Variants in AGBL4 observed in about 807,000 individuals in gnomAD.
The protein encoded by AGBL4 is AGBL carboxypeptidase 4.
In AGBL4, 58 loss-of-function variants were observed where a neutral mutation model predicts 66.4. The ratio of observed to expected loss-of-function variants is 0.87; its 90% CI spans 0.71 to 1.09. The LOEUF is 1.09. AGBL4 is among the 50% of genes least tolerant of loss of function. The probability of loss-of-function intolerance (pLI) is 0.00; values close to 1 mark genes in which losing one functional copy is unlikely to be tolerated. For missense variants in AGBL4, 579 were observed against 631.0 expected, an observed-to-expected ratio of 0.92 and a Z score of 0.88; for synonymous variants, 234 against 222.9, an observed-to-expected ratio of 1.05 and a Z score of -0.44.
At chr1:48,870,080 T>G (rs957868076) in intron 5 of AGBL4, among the ~76,000 whole-genome samples, 3 of 151,990 alleles carry the variant, frequency 2.0e-5, no homozygotes, top group African/African-American at 7.2e-5. Flanking sequence ...TTCCTGAAGA[T>G]TTCAACCATG....
chr1:49,883,224 G>T (rs551821741), intron 1 of AGBL4, among the ~76,000 whole-genome samples: 203 of 152,130 alleles, frequency 1.3e-3, no homozygotes, highest in Non-Finnish European at 2.5e-3. Context: ...TATGTTTATA[G>T]CGATTCCACA....
intron 2 of AGBL4, among the ~76,000 whole-genome samples, chr1:49,755,582 A>ATAGC (rs1408471722): frequency 6.6e-6 from 1 of 152,182 alleles, no homozygotes; most frequent in Non-Finnish European, 1.5e-5. Flanking sequence ...TTCCCCAAAC[A>ATAGC]TAGCTATTCT....
chr1:49,275,302 GCCCATGCAC>G (rs1216619292), intron 3 of AGBL4, among the ~76,000 whole-genome samples: 4 of 152,058 alleles, frequency 2.6e-5, no homozygotes, highest in African/African-American at 9.7e-5. Flanking sequence ...TTTCTGACAG[GCCCATGCAC>G]CCCAAGATTT....
chr1:49,129,962 C>G (rs534108744), intron 4 of AGBL4, among the ~76,000 whole-genome samples: 1 of 152,180 alleles, frequency 6.6e-6, no homozygotes, highest in African/African-American at 2.4e-5. Flanking sequence ...TCTCCACATC[C>G]TCTCCAGCAC....
intron 5 of AGBL4, among the ~76,000 whole-genome samples, chr1:48,897,851 C>T (rs879452895): frequency 4.8e-5 from 7 of 145,696 alleles, no homozygotes; most frequent in Non-Finnish European, 1.0e-4. Flanking sequence ...CGCTCTGTCA[C>T]CAGGCCGGAG....
intron 4 of AGBL4, among the ~76,000 whole-genome samples, chr1:49,136,107 T>C (rs982919289): frequency 6.6e-6 from 1 of 152,108 alleles, no homozygotes; most frequent in African/African-American, 2.4e-5. Context: ...TGCAAGGCAA[T>C]TAAAAACAAG....
chr1:48,846,398 A>G (rs1489961854), intron 6 of AGBL4, among the ~76,000 whole-genome samples: 1 of 151,278 alleles, frequency 6.6e-6, no homozygotes, highest in Non-Finnish European at 1.5e-5. Context: ...AGAAAGAAAG[A>G]AAGAAAGAAA....
intron 11 of AGBL4, among the ~76,000 whole-genome samples, chr1:48,544,331 G>A (rs140740593): frequency 6.0e-4 from 92 of 152,374 alleles, no homozygotes; most frequent in African/African-American, 2.0e-3. Flanking sequence ...CTACAGGGCA[G>A]AGAGGAAAGC....
At chr1:49,796,530 T>C (rs1327438455) in intron 2 of AGBL4, among the ~76,000 whole-genome samples, 1 of 150,978 alleles carries the variant, frequency 6.6e-6, no homozygotes, top group Non-Finnish European at 1.5e-5. Context: ...ATTTAAAATT[T>C]AATTTAAATT....
At chr1:48,881,228 T>C (rs1649751392) in intron 5 of AGBL4, among the ~76,000 whole-genome samples, 1 of 152,244 alleles carries the variant, frequency 6.6e-6, no homozygotes, top group South Asian at 2.1e-4. Flanking sequence ...GATTTTACTT[T>C]AGCCTTGCCA....
chr1:49,379,405 T>C (rs1644543671), intron 3 of AGBL4, among the ~76,000 whole-genome samples: 1 of 152,160 alleles, frequency 6.6e-6, no homozygotes, highest in Non-Finnish European at 1.5e-5. Flanking sequence ...TGGGAATCCA[T>C]GCCCGTTTTG....
chr1:49,468,125 C>T (rs2148708544), intron 3 of AGBL4, among the ~76,000 whole-genome samples: 1 of 151,866 alleles, frequency 6.6e-6, no homozygotes, highest in African/African-American at 2.4e-5. Context: ...TGCATGGGTC[C>T]ACTTATACAC....
chr1:49,077,470 T>A (rs1209827899), intron 4 of AGBL4, among the ~76,000 whole-genome samples: 1 of 152,102 alleles, frequency 6.6e-6, no homozygotes, highest in Non-Finnish European at 1.5e-5. Context: ...TCATACCTAC[T>A]ATAAAAATGT....
chr1:49,463,558 C>T (rs1646561604), intron 3 of AGBL4, among the ~76,000 whole-genome samples: 1 of 151,676 alleles, frequency 6.6e-6, no homozygotes, highest in Non-Finnish European at 1.5e-5. Flanking sequence ...AAGGATGTTC[C>T]TTCTCATCTG....
chr1:48,970,094 G>A (rs1658783507), intron 5 of AGBL4, among the ~76,000 whole-genome samples: 1 of 152,158 alleles, frequency 6.6e-6, no homozygotes, highest in South Asian at 2.1e-4. Flanking sequence ...GCCAGGTAGT[G>A]TGACTCCATA....
At position 49,819,742 on chromosome 1, in the gene AGBL4, T is replaced by C. The variant is rs190512496; in HGVS notation, c.157+31654A>G. On this transcript the variant is annotated intron_variant, in intron 2 of 13. Coordinates refer to ENST00000371839, the MANE Select transcript of AGBL4 (RefSeq NM_032785.4). ...GCTCTATTCTCTAGGCTCTTTGAGA[T>C]CTCTTACCTCAAGGGAGGTTTGCGT... Among the ~76,000 whole-genome samples, 3 of 152,322 alleles carry C rather than the reference T, an allele frequency of 2.0e-5. No individual in the cohort carries two copies. In the East Asian group the frequency reaches 5.8e-4, roughly 29 times the overall value.
intron 9 of AGBL4, among the ~76,000 whole-genome samples, chr1:48,614,235 A>G (rs976369772): frequency 6.6e-6 from 1 of 152,212 alleles, no homozygotes; most frequent in African/African-American, 2.4e-5. Context: ...TTGTTCAGAA[A>G]TGGAAGATGC....
chr1:49,293,967 G>T (rs1174800929), intron 3 of AGBL4, among the ~76,000 whole-genome samples: 1 of 152,164 alleles, frequency 6.6e-6, no homozygotes, highest in Non-Finnish European at 1.5e-5. Context: ...CAGCTCTGGA[G>T]CAGAACTAAA....
At chr1:48,590,451 G>A (rs1644896932) in intron 10 of AGBL4, among the ~76,000 whole-genome samples, 1 of 151,438 alleles carries the variant, frequency 6.6e-6, no homozygotes, top group African/African-American at 2.4e-5. Flanking sequence ...AGCTACTCAG[G>A]AGGCTGAGGT....
Sources: gnomAD v4.1 joint callset for allele counts (sites outside exome capture counted in the v4.1 genomes callset) on GRCh38, gnomAD v4.1.1 for gene constraint, MANE v1.5 for transcripts, NCBI Gene and HGNC (gene_info 2026-07-23, HGNC 2026-07-21) for gene names.